RBFOX1: variants seen among roughly 807,000 people sequenced by gnomAD.
The protein encoded by RBFOX1 is RNA binding protein fox-1 homolog 1.
RBFOX1 carries 8 observed loss-of-function variants against 57.7 expected under a neutral mutation model. The observed-to-expected ratio is 0.14, with a 90% CI of 0.08 to 0.25. The LOEUF is 0.25. RBFOX1 is among the 10% of genes least tolerant of loss of function. The pLI is 1.00. For synonymous variants in RBFOX1, 326 were observed against 222.4 expected (o/e 1.47, Z -4.15); for missense variants, 611 against 548.5 (o/e 1.11, Z -1.14).
intron 3 of RBFOX1, among the ~76,000 whole-genome samples, chr16:6,824,948 T>G (rs2091905150): frequency 6.7e-6 from 1 of 149,710 alleles, no homozygotes; most frequent in South Asian, 2.1e-4. Context: ...AGTGCATCCT[T>G]CTACACTGAG....
chr16:5,994,079 T>C (rs2060451427), intron 4 of RBFOX1, among the ~76,000 whole-genome samples: 1 of 152,180 alleles, frequency 6.6e-6, no homozygotes, highest in Non-Finnish European at 1.5e-5. Flanking sequence ...GGAATGGAGC[T>C]ATGGGGGCTC....
At chr16:7,327,989 C>T (rs148705543) in intron 4 of RBFOX1, among the ~76,000 whole-genome samples, 1 of 152,136 alleles carries the variant, frequency 6.6e-6, no homozygotes, top group Non-Finnish European at 1.5e-5. Context: ...ACAGCCAACA[C>T]TTCTGTTTCT....
At chr16:6,337,637 C>T (rs111482141) in intron 2 of RBFOX1, among the ~76,000 whole-genome samples, 1,732 of 152,234 alleles carry the variant, frequency 0.011, 27 homozygotes, top group African/African-American at 0.039. Flanking sequence ...AAGCAGCAAG[C>T]ACTACTTATT....
chr16:7,374,183 G>A (rs1350412401), intron 4 of RBFOX1, among the ~76,000 whole-genome samples: 1 of 152,166 alleles, frequency 6.6e-6, no homozygotes, highest in Admixed American at 6.5e-5. Context: ...AGTGGGAATG[G>A]CATGGAGCAT....
chr16:7,343,850 T>G (rs1034546323), intron 4 of RBFOX1, among the ~76,000 whole-genome samples: 2 of 152,146 alleles, frequency 1.3e-5, no homozygotes, highest in Non-Finnish European at 2.9e-5. Context: ...GTAGTCACCC[T>G]CTTTGAGTGG....
At chr16:7,300,286 C>A (rs2096001397) in intron 4 of RBFOX1, among the ~76,000 whole-genome samples, 1 of 151,990 alleles carries the variant, frequency 6.6e-6, no homozygotes, top group Non-Finnish European at 1.5e-5. Context: ...CCCACTGATG[C>A]CGACCTGGGG....
intron 3 of RBFOX1, among the ~76,000 whole-genome samples, chr16:7,050,851 T>A (rs2153727474): frequency 6.6e-6 from 1 of 152,320 alleles, no homozygotes; most frequent in African/African-American, 2.4e-5. Context: ...TTTGTGTGCC[T>A]CTGCATATTT....
At chr16:6,666,395 T>C (rs915108084) in intron 3 of RBFOX1, among the ~76,000 whole-genome samples, 1 of 151,980 alleles carries the variant, frequency 6.6e-6, no homozygotes, top group African/African-American at 2.4e-5. Context: ...TGTATCCAGG[T>C]GTGGTGGTGG....
intron 2 of RBFOX1, among the ~76,000 whole-genome samples, chr16:6,616,221 A>G (rs559988795): frequency 1.1e-3 from 165 of 152,326 alleles, no homozygotes; most frequent in African/African-American, 3.5e-3. Context: ...TGAATAATAA[A>G]TGAATGTCTG....
intron 3 of RBFOX1, among the ~76,000 whole-genome samples, chr16:6,913,471 G>A (rs80301461): frequency 0.029 from 4,407 of 152,116 alleles, 182 homozygotes; most frequent in East Asian, 0.13. Flanking sequence ...TGTTGCCATC[G>A]GCCTTCTTCA....
At chr16:7,406,881 C>G (rs8059541) in intron 4 of RBFOX1, among the ~76,000 whole-genome samples, 3 of 152,030 alleles carry the variant, frequency 2.0e-5, no homozygotes, top group African/African-American at 7.2e-5. Flanking sequence ...TAGAGGCCAC[C>G]TGCTTTCCTT....
intron 14 of RBFOX1, among the ~76,000 whole-genome samples, chr16:7,695,700 A>C: frequency 6.6e-6 from 1 of 151,508 alleles, no homozygotes; most frequent in East Asian, 1.9e-4. Flanking sequence ...CCCACATTCT[A>C]AACAGCACTA....
At position 5,411,375 on chromosome 16, in the gene RBFOX1, G is replaced by C. The variant is rs181148446; in HGVS notation, c.220-55841G>C. On this transcript the variant is annotated intron_variant, in intron 1 of 2. Transcript: ENST00000585867. ...ATGGAGGATGCTGAGCTGTTGGCTG[G>C]AGATGGAGGAAGGGGCCATGAGCCA... Among the ~76,000 whole-genome samples the C allele has an allele frequency of 1.0e-3, 155 of 152,320 alleles. 1 individual carries two copies. The highest frequency in any genetic ancestry group is 3.5e-3 in the African/African-American group (144 of 41,566).
intron 3 of RBFOX1, among the ~76,000 whole-genome samples, chr16:6,757,702 G>C (rs915694500): frequency 6.6e-6 from 1 of 152,098 alleles, no homozygotes; most frequent in South Asian, 2.1e-4. Flanking sequence ...CATATGGTTA[G>C]ATAGGAGTGA....
chr16:7,333,060 C>T lies in RBFOX1; in HGVS notation c.28-185087C>T, dbSNP rs201242998. On this transcript the variant is annotated intron_variant, in intron 4 of 15. Transcript: ENST00000550418. Reference sequence around the variant, plus strand: ...TATGGCGTGCCTATGATTGTACCGGCAGCTCCTTACCTTCCTGGACTGATT... The same window carrying T: ...TATGGCGTGCCTATGATTGTACCGGTAGCTCCTTACCTTCCTGGACTGATT... 6.2e-6 allele frequency: 10 copies of T among 1,613,918 alleles called. No individual in the cohort carries two copies. The Admixed American group carries it at 1.5e-4, about 24-fold the overall frequency.
At chr16:5,908,892 G>A (rs1483929191) in intron 4 of RBFOX1, among the ~76,000 whole-genome samples, 1 of 151,910 alleles carries the variant, frequency 6.6e-6, no homozygotes, top group African/African-American at 2.4e-5. Context: ...GTCACAGAGA[G>A]CTCCTCTCTG....
intron 3 of RBFOX1, among the ~76,000 whole-genome samples, chr16:6,664,995 G>C (rs1249496587): frequency 6.6e-6 from 1 of 152,134 alleles, no homozygotes; most frequent in Non-Finnish European, 1.5e-5. Context: ...GCATTAGTCA[G>C]GGCATTTTCA....
At chr16:5,669,147 T>C (rs2049939973) in intron 3 of RBFOX1, among the ~76,000 whole-genome samples, 1 of 152,032 alleles carries the variant, frequency 6.6e-6, no homozygotes, top group South Asian at 2.1e-4. Context: ...TTCCAGAGGG[T>C]TGGCCTTTAC....
At chr16:6,484,039 G>T (rs1371461231) in intron 2 of RBFOX1, 1 of 669,474 alleles carries the variant, frequency 1.5e-6, no homozygotes, top group African/African-American at 2.0e-5. Context: ...AGGGATTGGG[G>T]AGCCCGGAGA....
Sources: allele counts gnomAD v4.1 joint callset (sites outside exome capture counted in the v4.1 genomes callset), GRCh38; gene constraint gnomAD v4.1.1; transcripts MANE v1.5; gene names NCBI Gene and HGNC (gene_info 2026-07-23, HGNC 2026-07-21).